SPTLC1: variants seen among roughly 807,000 people sequenced by gnomAD.
SPTLC1 encodes the protein serine palmitoyltransferase 1.
Under a neutral mutation model 68.9 loss-of-function variants are expected in SPTLC1, and 55 were observed. The observed-to-expected ratio is 0.80, with a 90% CI of 0.64 to 1.00. The LOEUF (loss-of-function observed/expected upper bound fraction) is 1.00, where lower values mean the gene tolerates loss of function less well. SPTLC1 is among the 50% of genes least tolerant of loss of function. SPTLC1 has a pLI of 0.00. For missense variants in SPTLC1, 449 were observed against 573.1 expected (o/e 0.78, Z 2.21); for synonymous variants, 197 against 201.6 (o/e 0.98, Z 0.19).
intron 10 of SPTLC1, 39 bp downstream of exon 10, chr9:92,047,574 T>C: frequency 7.4e-7 from 1 of 1,353,128 alleles, no homozygotes; most frequent in Non-Finnish European, 1.1e-6. Context: ...ATGGAGAAAT[T>C]AGTTTCAGTT....
rs190374457 is a variant in SPTLC1 at position 92,067,396 on chromosome 9, G to A, written c.560+570C>T. Reference sequence around the variant, plus strand: ...GGACGACAGGGCTTGGCTTGGGGCAGCAGATGCTTCTGACTGGTTTAACCA... The same window carrying A: ...GGACGACAGGGCTTGGCTTGGGGCAACAGATGCTTCTGACTGGTTTAACCA... On this transcript the variant is annotated intron_variant, in intron 6 of 14. Coordinates refer to ENST00000262554, the MANE Select transcript of SPTLC1 (RefSeq NM_006415.4). Among the ~76,000 whole-genome samples the A allele has an allele frequency of 4.6e-5, 7 of 152,256 alleles. 1 individual carries two copies. The highest frequency in any genetic ancestry group is 1.7e-4 in the African/African-American group (7 of 41,534).
At chr9:92,079,921 G>A (rs1834819207) in intron 5 of SPTLC1, 95 bp downstream of exon 5, 3 of 1,058,278 alleles carry the variant, frequency 2.8e-6, no homozygotes, top group Non-Finnish European at 4.4e-6. Context: ...TCCCCAAAGT[G>A]CTGGGAGTAC....
chr9:92,099,174 G>A (rs2118778408), intron 3 of SPTLC1, among the ~76,000 whole-genome samples: 1 of 152,336 alleles, frequency 6.6e-6, no homozygotes, highest in South Asian at 2.1e-4. Flanking sequence ...AAAGGGCAGA[G>A]CAAGGTTGCT....
chr9:92,038,313 G>A lies in SPTLC1; in HGVS notation c.1189C>T (p.Gln397Ter). Residue 397 changes from glutamine to a stop codon, truncating the protein, a stop_gained, in exon 13 of 15, where the codon CAA becomes TAA. Transcript: ENST00000262554. LOFTEE classifies it high-confidence loss of function. ...GESLSPAFHL[Q>*]LEESTGSREQ... is the part of the protein sequence containing the mutation. Reference sequence around the variant, plus strand: ...CGAGACCCAGTGCTCTCTTCCAGTTGTAGGTGAAAGGCTGGAGAAAGGGAC... The same window carrying A: ...CGAGACCCAGTGCTCTCTTCCAGTTATAGGTGAAAGGCTGGAGAAAGGGAC... 1.2e-6 allele frequency: 2 copies of A among 1,614,142 alleles called. No homozygotes were observed. The highest frequency in any genetic ancestry group is 1.7e-6 in the Non-Finnish European group (2 of 1,179,990).
chr9:92,115,219 G>T, intron 1 of SPTLC1, 95 bp downstream of exon 1: 2 of 1,257,262 alleles, frequency 1.6e-6, no homozygotes, highest in Non-Finnish European at 2.3e-6. Context: ...GACCGAGCCA[G>T]TCCCGCCGAG....
intron 2 of SPTLC1, chr9:92,111,325 C>T (rs560108981): frequency 6.6e-6 from 1 of 152,320 alleles, no homozygotes; most frequent in South Asian, 2.1e-4. Flanking sequence ...AGTAGGATCC[C>T]TTCCCTTACT....
intron 5 of SPTLC1, chr9:92,079,424 T>TA: frequency 1.9e-6 from 3 of 1,577,756 alleles, no homozygotes. Flanking sequence ...ATACACTTAA[T>TA]AAAAACAACC....
chr9:92,038,419 G>T, intron 12 of SPTLC1, 54 bp from the exon 13 acceptor site: 1 of 1,154,330 alleles, frequency 8.7e-7, no homozygotes, highest in South Asian at 1.2e-5. Context: ...CTTGAAGATC[G>T]CTCACGGAGA....
chr9:92,111,041 C>T (rs1215074032), intron 2 of SPTLC1: 1 of 152,134 alleles, frequency 6.6e-6, no homozygotes, highest in Non-Finnish European at 1.5e-5. Context: ...GACGCATTAA[C>T]ATCACCTCTT....
At position 92,115,274 on chromosome 9, in the gene SPTLC1, C is replaced by A. The variant is rs1836409830; in HGVS notation, c.57+40G>T. The A allele has an allele frequency of 1.9e-6, 3 of 1,605,830 alleles. 1 individual carries two copies. The highest frequency in any genetic ancestry group is 1.7e-6 in the Non-Finnish European group (2 of 1,174,828). On this transcript the variant is annotated intron_variant, in intron 1 of 14. Coordinates refer to ENST00000262554, the MANE Select transcript of SPTLC1 (RefSeq NM_006415.4). The stretch of plus-strand genomic sequence containing the variant: ...CACGCGTCCTCCCACCCTCCCCGGG[C>A]CCGGGTGTGGTCGCGGACCGCTAAT...
At chr9:92,063,691 G>T (rs1283411598) in intron 6 of SPTLC1, among the ~76,000 whole-genome samples, 1 of 151,950 alleles carries the variant, frequency 6.6e-6, no homozygotes, top group Non-Finnish European at 1.5e-5. Flanking sequence ...GGTATGCAAG[G>T]CTGGTTCAAT....
intron 6 of SPTLC1, 136 bp from the exon 7 acceptor site, chr9:92,059,444 A>G (rs1425971194): frequency 1.6e-5 from 14 of 873,388 alleles, no homozygotes; most frequent in Non-Finnish European, 2.4e-5. Context: ...ACATGTTTGA[A>G]TATTTATACA....
intron 6 of SPTLC1, among the ~76,000 whole-genome samples, chr9:92,060,743 TAAAAAA>T (rs777447484): frequency 8.0e-6 from 1 of 125,580 alleles, no homozygotes; most frequent in African/African-American, 2.9e-5. Context: ...CATCTCTACT[TAAAAAA>T]AAAAAAAAAA....
chr9:92,078,137 C>A (rs1834748788), intron 5 of SPTLC1, among the ~76,000 whole-genome samples: 1 of 152,122 alleles, frequency 6.6e-6, no homozygotes, highest in Admixed American at 6.5e-5. Context: ...CAAACAACTT[C>A]TTTACTTCCT....
At chr9:92,066,082 T>C (rs1834268952) in intron 6 of SPTLC1, among the ~76,000 whole-genome samples, 1 of 152,206 alleles carries the variant, frequency 6.6e-6, no homozygotes, top group Non-Finnish European at 1.5e-5. Context: ...TGACCATTAC[T>C]AAATGATAAA....
intron 12 of SPTLC1, among the ~76,000 whole-genome samples, chr9:92,040,613 C>A (rs764152278): frequency 3.6e-4 from 55 of 151,800 alleles, no homozygotes; most frequent in Non-Finnish European, 5.7e-4. Context: ...CAAAAATTAG[C>A]CAGGTGTGGT....
At chr9:92,062,226 C>T (rs1049339591) in intron 6 of SPTLC1, among the ~76,000 whole-genome samples, 16 of 152,112 alleles carry the variant, frequency 1.1e-4, no homozygotes, top group African/African-American at 3.6e-4. Flanking sequence ...AGAGTGTTTG[C>T]TTTGGCAGCA....
chr9:92,068,208 T>C, intron 5 of SPTLC1, 110 bp from the exon 6 acceptor site: 3 of 1,006,626 alleles, frequency 3.0e-6, no homozygotes, highest in Non-Finnish European at 4.4e-6. Context: ...TTTCACCTTA[T>C]GGCCAAAATG....
chr9:92,107,679 G>A (rs1295838677), intron 3 of SPTLC1: 1 of 152,226 alleles, frequency 6.6e-6, no homozygotes, highest in African/African-American at 2.4e-5. Context: ...GTGAACCCGG[G>A]AGGCGAAGCT....
Sources: allele counts gnomAD v4.1 joint callset (sites outside exome capture counted in the v4.1 genomes callset), GRCh38; gene constraint gnomAD v4.1.1; transcripts MANE v1.5; gene names NCBI Gene and HGNC (gene_info 2026-07-23, HGNC 2026-07-21).